The following ANO10 variants were observed in gnomAD, a reference collection of about 807,000 sequenced individuals.
ANO10 encodes anoctamin-10.
ANO10 carries 77 observed loss-of-function variants against 74.7 expected under a neutral mutation model. The ratio of observed to expected loss-of-function variants is 1.03; its 90% CI spans 0.86 to 1.25. The LOEUF (loss-of-function observed/expected upper bound fraction) is 1.25. ANO10 is among the 50% of genes most tolerant of loss of function. The pLI is 0.00. For synonymous variants in ANO10, 279 were observed against 284.9 expected (o/e 0.98, Z 0.21); for missense variants, 721 against 778.1 (o/e 0.93, Z 0.87).
chr3:43,573,401 C>T (rs2149391235), intron 7 of ANO10, among the ~76,000 whole-genome samples: 1 of 152,278 alleles, frequency 6.6e-6, no homozygotes, highest in East Asian at 1.9e-4. Context: ...GAAATCTAAA[C>T]ACCCTCATGA....
intron 11 of ANO10, among the ~76,000 whole-genome samples, chr3:43,544,673 A>C (rs1264353043): frequency 6.6e-6 from 1 of 151,952 alleles, no homozygotes; most frequent in African/African-American, 2.4e-5. Flanking sequence ...TGCACCTGTA[A>C]TCCCAGCTAC....
In ANO10 at chr3:43,502,564, G is replaced by C. The variant is rs895184462; in HGVS notation, c.1797+47156C>G. 4.6e-5 allele frequency among the ~76,000 whole-genome samples: 7 copies of C among 152,264 alleles called. No homozygotes were observed. In the South Asian group the frequency reaches 1.5e-3, roughly 32 times the overall value. On this transcript the variant is annotated intron_variant, in intron 11 of 12. Transcript: ENST00000292246. Reference sequence around the variant, plus strand: ...TGGAGATGCTTGTGTCACACTTCTTGTACAGCCTGCAGAACCATGAGCCAA... The same window carrying C: ...TGGAGATGCTTGTGTCACACTTCTTCTACAGCCTGCAGAACCATGAGCCAA...
At chr3:43,376,613 T>C (rs2091815794) in intron 12 of ANO10, among the ~76,000 whole-genome samples, 1 of 152,184 alleles carries the variant, frequency 6.6e-6, no homozygotes, top group Non-Finnish European at 1.5e-5. Flanking sequence ...GGGAATGATG[T>C]TCCCAGATGG....
intron 1 of ANO10, among the ~76,000 whole-genome samples, chr3:43,664,015 G>T (rs9819864): frequency 0.047 from 7,180 of 152,174 alleles, 199 homozygotes; most frequent in Non-Finnish European, 0.057. Flanking sequence ...TTTCTTCAAA[G>T]AATTGGAAAA....
intron 11 of ANO10, 76 bp downstream of exon 11, chr3:43,549,644 G>A (rs993523224): frequency 1.3e-6 from 2 of 1,536,910 alleles, no homozygotes; most frequent in African/African-American, 2.7e-5. Context: ...GTCATGGACA[G>A]CCCGAGACAG....
intron 11 of ANO10, among the ~76,000 whole-genome samples, chr3:43,482,529 C>A (rs1434299879): frequency 6.6e-6 from 1 of 152,100 alleles, no homozygotes; most frequent in Non-Finnish European, 1.5e-5. Context: ...CTGCTCCCAA[C>A]ACAGTTATGC....
chr3:43,489,342 TA>T (rs551439227), intron 11 of ANO10, among the ~76,000 whole-genome samples: 60 of 151,516 alleles, frequency 4.0e-4, no homozygotes, highest in Admixed American at 2.8e-3. Context: ...AAATAAAAAT[TA>T]AAAAAAAATC....
rs541521072 is a variant in ANO10 at position 43,664,514 on chromosome 3, G to A, written c.-12+27003C>T. On this transcript the variant is annotated intron_variant, in intron 1 of 3. Coordinates refer to the ANO10 transcript ENST00000413397. Reference sequence around the variant, plus strand: ...AAACACCAAAAGCAATGGCAACAAAGGCCAAAATTGACAAATGGGATCTAA... The same window carrying A: ...AAACACCAAAAGCAATGGCAACAAAAGCCAAAATTGACAAATGGGATCTAA... 8.5e-3 allele frequency among the ~76,000 whole-genome samples: 1,287 copies of A among 152,162 alleles called. 10 individuals carry two copies. Among genetic ancestry groups the A allele is most frequent in the Non-Finnish European group, 0.014 (935 of 67,970 alleles).
At position 43,632,175 on chromosome 3, in the gene ANO10, C is replaced by T. The variant is rs192415810; in HGVS notation, c.-11-26312G>A. On this transcript the variant is annotated intron_variant, in intron 1 of 3. Coordinates refer to the ANO10 transcript ENST00000413397. Reference sequence around the variant, plus strand: ...AGAAAATTGTTTTGAATTAAATTGACGGTGCTGGTTATTTTCTGTTTGTCC... The same window carrying T: ...AGAAAATTGTTTTGAATTAAATTGATGGTGCTGGTTATTTTCTGTTTGTCC... Among the ~76,000 whole-genome samples, 7 of 152,204 alleles carry T rather than the reference C, an allele frequency of 4.6e-5. No individual in the cohort carries two copies. The South Asian group carries it at 8.3e-4, about 18-fold the overall frequency.
At chr3:43,466,369 C>CAAAAAAAAAAAAAAAAA (rs36126977) in intron 11 of ANO10, among the ~76,000 whole-genome samples, 20 of 45,332 alleles carry the variant, frequency 4.4e-4, no homozygotes, top group South Asian at 2.3e-3. Flanking sequence ...GACTCCATCT[C>CAAAAAAAAAAAAAAAAA]AAAAAAAAAA....
intron 7 of ANO10, among the ~76,000 whole-genome samples, chr3:43,570,037 C>G (rs1451392022): frequency 6.9e-6 from 1 of 145,526 alleles, no homozygotes; most frequent in Non-Finnish European, 1.5e-5. Flanking sequence ...TTCTTATACA[C>G]CAACAACAGA....
intron 11 of ANO10, among the ~76,000 whole-genome samples, chr3:43,475,395 AG>A (rs1344440319): frequency 6.6e-6 from 1 of 152,118 alleles, no homozygotes; most frequent in Admixed American, 6.6e-5. Context: ...AATTCTTTCC[AG>A]TCCTTTTATG....
At chr3:43,611,120 C>T (rs981327945) in intron 1 of ANO10, among the ~76,000 whole-genome samples, 5 of 152,162 alleles carry the variant, frequency 3.3e-5, no homozygotes, top group African/African-American at 1.2e-4. Flanking sequence ...GTTAGGTGAG[C>T]ATGAGACTAA....
chr3:43,392,175 A>AT (rs398105818), intron 12 of ANO10, among the ~76,000 whole-genome samples: 2 of 152,064 alleles, frequency 1.3e-5, no homozygotes, highest in Non-Finnish European at 1.5e-5. Flanking sequence ...TTAAAAAAAA[A>AT]TTTTATTGTT....
intron 4 of ANO10, among the ~76,000 whole-genome samples, chr3:43,587,392 C>T (rs112679215): frequency 6.6e-6 from 1 of 152,220 alleles, no homozygotes; most frequent in African/African-American, 2.4e-5. Flanking sequence ...CACAGAGAAA[C>T]GGGGAGGCCA....
chr3:43,560,023 G>C (rs994437512), intron 9 of ANO10, among the ~76,000 whole-genome samples: 1 of 152,110 alleles, frequency 6.6e-6, no homozygotes, highest in Non-Finnish European at 1.5e-5. Flanking sequence ...TGACAGAAGG[G>C]GCTAGGATCT....
intron 4 of ANO10, among the ~76,000 whole-genome samples, chr3:43,593,484 C>G (rs942297181): frequency 6.6e-6 from 1 of 152,160 alleles, no homozygotes; most frequent in African/African-American, 2.4e-5. Flanking sequence ...AATTTTCAAC[C>G]CAGAATTTCA....
chr3:43,404,876 C>CA (rs3048939), intron 12 of ANO10, among the ~76,000 whole-genome samples: 13,417 of 81,162 alleles, frequency 0.17, 2,056 homozygotes, highest in African/African-American at 0.37. Flanking sequence ...GAACCTGTCT[C>CA]AAAAAAAAAA....
In ANO10 at chr3:43,555,383, A is replaced by G; in HGVS notation, c.1563T>C (p.Phe521=). Residue 521 remains phenylalanine (F), a synonymous_variant, in exon 10 of 13, where the codon TTT becomes TTC. Transcript: ENST00000292246. ...CTTCAGTGAAGTTATTTAACACAGC[A>G]AAGGCAGCTGCTAATGGGTAAACAC... ...FSCVYPLAAA[F]AVLNNFTEVN... is the part of the protein sequence containing the mutation. The G allele has an allele frequency of 1.1e-5, 18 of 1,614,186 alleles. No homozygotes were observed. The highest frequency in any genetic ancestry group is 1.5e-5 in the Non-Finnish European group (18 of 1,180,010).
Sources: allele counts gnomAD v4.1 joint callset (sites outside exome capture counted in the v4.1 genomes callset), GRCh38; gene constraint gnomAD v4.1.1; transcripts MANE v1.5; gene names NCBI Gene and HGNC (gene_info 2026-07-23, HGNC 2026-07-21).